The following SLIT1 variants were observed in gnomAD, a reference collection of about 807,000 sequenced individuals.
SLIT1 encodes slit homolog 1 protein.
Under a neutral mutation model 186.1 loss-of-function variants are expected in SLIT1, and 66 were observed. The ratio of observed to expected loss-of-function variants is 0.35; its 90% CI spans 0.29 to 0.44. The LOEUF is 0.44. Among genes scored for constraint, SLIT1 ranks in the 20% least tolerant of loss-of-function variants. SLIT1 has a pLI of 1.00. For missense variants in SLIT1, 1,638 were observed against 2,037.4 expected, an observed-to-expected ratio of 0.80 and a Z score of 3.77; for synonymous variants, 761 against 833.8, an observed-to-expected ratio of 0.91 and a Z score of 1.50.
intron 20 of SLIT1, among the ~76,000 whole-genome samples, chr10:97,041,473 AT>A (rs57619741): frequency 0.099 from 13,694 of 138,290 alleles, 770 homozygotes; most frequent in Middle Eastern, 0.14. Flanking sequence ...CAAATCGTTA[AT>A]TTTTTTTTTT....
intron 1 of SLIT1, among the ~76,000 whole-genome samples, chr10:97,166,569 G>GAAAGAA (rs1554854788): frequency 1.5e-4 from 9 of 58,962 alleles, no homozygotes; most frequent in African/African-American, 4.9e-4. Context: ...GAGAGAGAGA[G>GAAAGAA]AGAAAGAAAG....
At chr10:97,092,925 T>C (rs565667970) in intron 4 of SLIT1, among the ~76,000 whole-genome samples, 1 of 152,326 alleles carries the variant, frequency 6.6e-6, no homozygotes, top group East Asian at 1.9e-4. Context: ...CACTGGACTA[T>C]TGTTGGCTTC....
intron 26 of SLIT1, among the ~76,000 whole-genome samples, chr10:97,019,973 T>C (rs1394466271): frequency 6.6e-6 from 1 of 151,042 alleles, no homozygotes; most frequent in African/African-American, 2.4e-5. Context: ...TTTTCCTTTA[T>C]TTTCCTTTAT....
intron 4 of SLIT1, among the ~76,000 whole-genome samples, chr10:97,141,640 C>T (rs1564686309): frequency 6.6e-6 from 1 of 151,948 alleles, no homozygotes; most frequent in Non-Finnish European, 1.5e-5. Flanking sequence ...CCTTAATGCA[C>T]TGTATTGCAT....
In SLIT1 at chr10:97,162,812, C is replaced by T. The variant is rs1207822195; in HGVS notation, c.341+568G>A. On this transcript the variant is annotated intron_variant, in intron 3 of 36. Transcript: ENST00000266058. ...AACATGATGAGTGCCCATCCCCCACCTCACCCCACTATGTTTCTTTTTTTT... is the reference window on the plus strand; with the variant it reads ...AACATGATGAGTGCCCATCCCCCACTTCACCCCACTATGTTTCTTTTTTTT... Among the ~76,000 whole-genome samples, 6 of 151,742 alleles carry T rather than the reference C, an allele frequency of 4.0e-5. No individual in the cohort carries two copies. In the South Asian group the frequency reaches 1.3e-3, roughly 32 times the overall value.
At chr10:97,046,921 C>A in intron 17 of SLIT1, 70 bp downstream of exon 17, 1 of 1,557,052 alleles carries the variant, frequency 6.4e-7, no homozygotes, top group Non-Finnish European at 8.8e-7. Context: ...GCTGCCCCCA[C>A]CCTGGCATTT....
At chr10:97,042,536 T>A (rs1200746960) in intron 20 of SLIT1, among the ~76,000 whole-genome samples, 1 of 151,870 alleles carries the variant, frequency 6.6e-6, no homozygotes, top group Non-Finnish European at 1.5e-5. Flanking sequence ...ACCCCATGAG[T>A]CTAGAGTGCT....
chr10:97,180,022 A>G (rs1850313227), intron 1 of SLIT1, among the ~76,000 whole-genome samples: 1 of 152,132 alleles, frequency 6.6e-6, no homozygotes, highest in Admixed American at 6.5e-5. Context: ...CCCAGCCCCA[A>G]AAGAGCACGG....
At chr10:97,055,427 C>T (rs1239523118) in intron 13 of SLIT1, among the ~76,000 whole-genome samples, 1 of 151,976 alleles carries the variant, frequency 6.6e-6, no homozygotes, top group Non-Finnish European at 1.5e-5. Context: ...GGGGGTGTGG[C>T]CACATGTCAC....
chr10:97,033,197 C>T (rs993369550), intron 23 of SLIT1, among the ~76,000 whole-genome samples: 7 of 152,222 alleles, frequency 4.6e-5, no homozygotes, highest in African/African-American at 9.6e-5. Flanking sequence ...CACAGATGTG[C>T]ACCACCACAC....
chr10:97,040,141 C>G, intron 20 of SLIT1, 21 bp from the exon 21 acceptor site: 1 of 1,536,574 alleles, frequency 6.5e-7, no homozygotes. Context: ...AGGCACGAAG[C>G]CCCTGTCAGG....
At chr10:97,145,354 G>A (rs762499862) in intron 4 of SLIT1, among the ~76,000 whole-genome samples, 4 of 152,048 alleles carry the variant, frequency 2.6e-5, no homozygotes, top group African/African-American at 7.2e-5. Flanking sequence ...CTGACCTCGC[G>A]ACCCACCCTC....
At chr10:97,185,443 G>A in intron 1 of SLIT1, 35 bp downstream of exon 1, 2 of 1,596,918 alleles carry the variant, frequency 1.3e-6, no homozygotes, top group Middle Eastern at 1.7e-4. Flanking sequence ...GGGCAACCTC[G>A]GAGCCAGGGA....
At position 97,066,365 on chromosome 10, in the gene SLIT1, G is replaced by T. The variant is rs115500181; in HGVS notation, c.414-279C>A. 9.5e-3 allele frequency among the ~76,000 whole-genome samples: 1,453 copies of T among 152,322 alleles called. 26 individuals carry two copies. The highest frequency in any genetic ancestry group is 0.031 in the African/African-American group (1,295 of 41,576). ...CTGGGCTCGGGGCTTGCAGCTGGAAGGAGAAGCCTGGGGCAGCTACGATCA... is the reference window on the plus strand; with the variant it reads ...CTGGGCTCGGGGCTTGCAGCTGGAATGAGAAGCCTGGGGCAGCTACGATCA... On this transcript the variant is annotated intron_variant, in intron 4 of 36. Coordinates refer to ENST00000266058, the MANE Select transcript of SLIT1 (RefSeq NM_003061.3).
chr10:97,037,172 G>A (rs1332301880), intron 22 of SLIT1, among the ~76,000 whole-genome samples: 2 of 151,396 alleles, frequency 1.3e-5, no homozygotes, highest in African/African-American at 2.4e-5. Flanking sequence ...TTGGCTCACT[G>A]CAGCCTCCAC....
At chr10:97,155,958 C>A (rs1305642322) in intron 4 of SLIT1, among the ~76,000 whole-genome samples, 1 of 152,176 alleles carries the variant, frequency 6.6e-6, no homozygotes, top group Non-Finnish European at 1.5e-5. Context: ...CAGCATGGAC[C>A]ACATAGACCA....
At chr10:97,109,363 C>G (rs1315747935) in intron 4 of SLIT1, among the ~76,000 whole-genome samples, 1 of 152,120 alleles carries the variant, frequency 6.6e-6, no homozygotes, top group East Asian at 1.9e-4. Flanking sequence ...GTAGAGAGTG[C>G]TCTGAGACCA....
chr10:97,034,641 C>T (rs1304743640), intron 22 of SLIT1, 99 bp from the exon 23 acceptor site: 18 of 1,118,334 alleles, frequency 1.6e-5, no homozygotes, highest in Non-Finnish European at 2.3e-5. Context: ...CAGGGCCATT[C>T]CCCAGCCAGG....
chr10:97,181,124 G>T (rs1326189223), intron 1 of SLIT1, among the ~76,000 whole-genome samples: 5 of 152,172 alleles, frequency 3.3e-5, no homozygotes, highest in South Asian at 2.1e-4. Flanking sequence ...CGGCACGGGG[G>T]TCCTAACACC....
Sources: allele counts gnomAD v4.1 joint callset (sites outside exome capture counted in the v4.1 genomes callset), GRCh38; gene constraint gnomAD v4.1.1; transcripts MANE v1.5; gene names NCBI Gene and HGNC (gene_info 2026-07-23, HGNC 2026-07-21).